AGMO: variants seen among roughly 807,000 people sequenced by gnomAD.
The protein encoded by AGMO is alkylglycerol monooxygenase.
Under a neutral mutation model 60.2 loss-of-function variants are expected in AGMO, and 75 were observed. That is an observed-to-expected ratio of 1.25 (90% CI 1.03 to 1.51). The LOEUF is 1.51. Among genes scored for constraint, AGMO ranks in the 40% most tolerant of loss-of-function variants. The probability of loss-of-function intolerance (pLI) is 0.00; values close to 1 mark genes in which losing one functional copy is unlikely to be tolerated. For missense variants in AGMO, 763 were observed against 525.5 expected, an observed-to-expected ratio of 1.45 and a Z score of -4.42; for synonymous variants, 261 against 177.1, an observed-to-expected ratio of 1.47 and a Z score of -3.76.
At chr7:15,150,257 A>G in the AGMO span, among the ~76,000 whole-genome samples, 1 of 152,074 alleles carries the variant, frequency 6.6e-6, no homozygotes, top group African/African-American at 2.4e-5. Context: ...GAAGAGAGAT[A>G]GTTTTACTTC....
At chr7:15,262,838 C>CA (rs1554403185) in intron 12 of AGMO, among the ~76,000 whole-genome samples, 6 of 151,966 alleles carry the variant, frequency 3.9e-5, no homozygotes, top group Non-Finnish European at 8.8e-5. Context: ...GAAAAGGTTA[C>CA]CCTACTCAAC....
chr7:15,124,038 G>C, the AGMO span, among the ~76,000 whole-genome samples: 1 of 151,984 alleles, frequency 6.6e-6, no homozygotes, highest in African/African-American at 2.4e-5. Flanking sequence ...AAAAGCTTGT[G>C]GTTTTTATGA....
At chr7:15,219,960 C>T (rs1781866904) in intron 12 of AGMO, among the ~76,000 whole-genome samples, 2 of 152,102 alleles carry the variant, frequency 1.3e-5, no homozygotes, top group African/African-American at 4.8e-5. Flanking sequence ...TCCTGTTGTA[C>T]AGCTCCCTTC....
chr7:15,329,440 T>G (rs771946885), intron 12 of AGMO, among the ~76,000 whole-genome samples: 4 of 152,104 alleles, frequency 2.6e-5, no homozygotes, highest in Admixed American at 6.6e-5. Flanking sequence ...CCAGAGGACA[T>G]GACAAGAAAT....
the AGMO span, among the ~76,000 whole-genome samples, chr7:15,135,014 C>T: frequency 6.6e-6 from 1 of 151,662 alleles, no homozygotes; most frequent in Non-Finnish European, 1.5e-5. Flanking sequence ...AAATTACTAT[C>T]CATCTGATTC....
At chr7:15,155,950 T>C in the AGMO span, among the ~76,000 whole-genome samples, 1 of 152,076 alleles carries the variant, frequency 6.6e-6, no homozygotes, top group African/African-American at 2.4e-5. Flanking sequence ...CCCTGAGGAG[T>C]TGTAACCAGG....
At chr7:15,540,937 G>T (rs951501639) in intron 3 of AGMO, among the ~76,000 whole-genome samples, 2 of 152,024 alleles carry the variant, frequency 1.3e-5, no homozygotes, top group African/African-American at 4.8e-5. Context: ...AGCACCCAAG[G>T]CAAGATAGAG....
intron 3 of AGMO, among the ~76,000 whole-genome samples, chr7:15,478,132 G>C (rs1782645004): frequency 6.6e-6 from 1 of 152,098 alleles, no homozygotes; most frequent in Non-Finnish European, 1.5e-5. Context: ...AATACTCATG[G>C]ATGACTTTAA....
In AGMO at chr7:15,201,652, A is replaced by T. The variant is rs182706297; in HGVS notation, c.1264-293T>A. Reference sequence around the variant, plus strand: ...GGCTAGACAAGTTAGATATTCAGACATTTCTTCTGACATTTGGAGATACAG... The same window carrying T: ...GGCTAGACAAGTTAGATATTCAGACTTTTCTTCTGACATTTGGAGATACAG... On this transcript the variant is annotated intron_variant, in intron 12 of 12. Coordinates refer to ENST00000342526, the MANE Select transcript of AGMO (RefSeq NM_001004320.2). 4.2e-4 allele frequency among the ~76,000 whole-genome samples: 64 copies of T among 152,278 alleles called. No homozygotes were observed. In the South Asian group the frequency reaches 6.0e-3, roughly 14 times the overall value.
the AGMO span, among the ~76,000 whole-genome samples, chr7:15,168,857 C>T: frequency 6.6e-6 from 1 of 152,172 alleles, no homozygotes; most frequent in Non-Finnish European, 1.5e-5. Context: ...GTGATGCCTT[C>T]GTTGCAAATT....
chr7:15,185,041 G>C, the AGMO span, among the ~76,000 whole-genome samples: 2 of 152,074 alleles, frequency 1.3e-5, no homozygotes, highest in Non-Finnish European at 2.9e-5. Context: ...TGGTGGCACC[G>C]ATAATAAAAT....
rs113878555 is a variant in AGMO, at chr7:15,263,552, C to T, written c.1264-62193G>A. Among the ~76,000 whole-genome samples the T allele has an allele frequency of 4.0e-3, 616 of 152,124 alleles. 2 individuals are homozygous for T. Among genetic ancestry groups the T allele is most frequent in the African/African-American group, 0.013 (520 of 41,520 alleles). On this transcript the variant is annotated intron_variant, in intron 12 of 12. Transcript: ENST00000342526. The stretch of plus-strand genomic sequence containing the variant: ...TAAAGTAGATTTACCGTTTGATCAC[C>T]AATCCCACTACTAGGTTATCTACCC...
intron 12 of AGMO, among the ~76,000 whole-genome samples, chr7:15,359,664 T>C (rs1470556612): frequency 6.6e-6 from 1 of 152,202 alleles, no homozygotes; most frequent in Non-Finnish European, 1.5e-5. Context: ...TATCCTAAAA[T>C]ACGTCAACAA....
chr7:15,507,446 G>C (rs1056164451), intron 3 of AGMO, among the ~76,000 whole-genome samples: 4 of 152,028 alleles, frequency 2.6e-5, no homozygotes, highest in African/African-American at 9.7e-5. Context: ...GAATTACGTA[G>C]GACAGAGGCA....
At chr7:15,307,242 C>T (rs758108795) in intron 12 of AGMO, among the ~76,000 whole-genome samples, 5 of 151,900 alleles carry the variant, frequency 3.3e-5, no homozygotes, top group Non-Finnish European at 4.4e-5. Context: ...GGCCATAAAA[C>T]GTGGGAATCC....
chr7:15,317,894 T>G (rs1780979257), intron 12 of AGMO, among the ~76,000 whole-genome samples: 1 of 149,372 alleles, frequency 6.7e-6, no homozygotes, highest in Non-Finnish European at 1.5e-5. Flanking sequence ...CACGTATATA[T>G]ATACACACAC....
chr7:15,242,335 TAGTG>T (rs1185067878), intron 12 of AGMO, among the ~76,000 whole-genome samples: 5 of 152,192 alleles, frequency 3.3e-5, no homozygotes, highest in Non-Finnish European at 5.9e-5. Context: ...ATCTTCCAGA[TAGTG>T]AGAACTAAAT....
chr7:15,415,747 A>C (rs2128493550), intron 5 of AGMO, among the ~76,000 whole-genome samples: 1 of 152,214 alleles, frequency 6.6e-6, no homozygotes, highest in South Asian at 2.1e-4. Context: ...TAACACCCAA[A>C]TAACACCTGA....
chr7:15,390,305 G>A (rs1784083384), intron 8 of AGMO, among the ~76,000 whole-genome samples: 1 of 152,156 alleles, frequency 6.6e-6, no homozygotes, highest in Non-Finnish European at 1.5e-5. Flanking sequence ...CCAGAGTCAT[G>A]CACCCTGGAA....
Sources: allele counts gnomAD v4.1 joint callset (sites outside exome capture counted in the v4.1 genomes callset), GRCh38; gene constraint gnomAD v4.1.1; transcripts MANE v1.5; gene names NCBI Gene and HGNC (gene_info 2026-07-23, HGNC 2026-07-21).